The following DLGAP1 variants were observed in gnomAD, a reference collection of about 807,000 sequenced individuals.
The protein encoded by DLGAP1 is disks large-associated protein 1.
A neutral mutation model predicts 90.8 loss-of-function variants in DLGAP1; 11 were observed. That is an observed-to-expected ratio of 0.12 (90% confidence interval 0.08 to 0.20). DLGAP1 has a LOEUF of 0.20. Ranked by LOEUF, DLGAP1 falls within the 10% of genes least tolerant of loss-of-function variation. DLGAP1 has a pLI of 1.00. For missense variants in DLGAP1, 1,050 were observed against 1,333.8 expected (o/e 0.79, Z 3.31); for synonymous variants, 558 against 540.7 (o/e 1.03, Z -0.44).
At chr18:3,676,323 C>G (rs2146824466) in intron 7 of DLGAP1, among the ~76,000 whole-genome samples, 1 of 152,360 alleles carries the variant, frequency 6.6e-6, no homozygotes, top group Admixed American at 6.5e-5. Context: ...TCAGACACCG[C>G]CTCCTCAAAC....
chr18:3,507,542 A>T, intron 11 of DLGAP1, among the ~76,000 whole-genome samples: 1 of 152,024 alleles, frequency 6.6e-6, no homozygotes, highest in Non-Finnish European at 1.5e-5. Flanking sequence ...AAAAACAAAA[A>T]CAAACCCTCA....
chr18:4,063,122 G>C (rs1487023388), intron 2 of DLGAP1, among the ~76,000 whole-genome samples: 1 of 152,004 alleles, frequency 6.6e-6, no homozygotes, highest in Non-Finnish European at 1.5e-5. Context: ...AAAAAGCTTG[G>C]TATCCAAAAG....
At chr18:4,184,726 A>G (rs752886936) in intron 1 of DLGAP1, among the ~76,000 whole-genome samples, 3 of 151,960 alleles carry the variant, frequency 2.0e-5, no homozygotes, top group African/African-American at 7.2e-5. Context: ...TAGGAGTGCA[A>G]TCTACTTATT....
At chr18:4,300,840 A>G (rs948221480) in intron 1 of DLGAP1, among the ~76,000 whole-genome samples, 11 of 152,172 alleles carry the variant, frequency 7.2e-5, no homozygotes, top group Admixed American at 2.6e-4. Context: ...TTCTCTTTTA[A>G]GAAAGCTTTC....
chr18:3,742,482 C>G lies in DLGAP1; in HGVS notation c.1203G>C (p.Gln401His), dbSNP rs1257005832. ...CCCTCAGGTAACTATGACTCCGGAT[C>G]TGGAGTTTGGGTGAGTGTTCATTGG... Reference protein sequence around the residue: ...KISNEHSPKLQIRSHSYLRAV... With the variant: ...KISNEHSPKLHIRSHSYLRAV... Residue 401 changes from glutamine to histidine, a missense_variant, in exon 6 of 13, where the codon CAG becomes CAC. By Grantham distance (24) the Gln-to-His change is conservative (BLOSUM62 0). This residue lies in a region of DLGAP1 where 565 missense variants were observed against 879.7 expected (regional missense o/e 0.64). Transcript: ENST00000315677. 1 of 1,614,162 alleles carries G rather than the reference C, an allele frequency of 6.2e-7. No homozygotes were observed.
At chr18:3,792,625 TG>T (rs1207188856) in intron 5 of DLGAP1, among the ~76,000 whole-genome samples, 1 of 152,214 alleles carries the variant, frequency 6.6e-6, no homozygotes, top group Non-Finnish European at 1.5e-5. Context: ...TGGCCTCCAC[TG>T]CAGACCAGAA....
chr18:3,772,166 CTCCT>C (rs1347766396), intron 5 of DLGAP1, among the ~76,000 whole-genome samples: 2 of 96,392 alleles, frequency 2.1e-5, no homozygotes, highest in Non-Finnish European at 4.4e-5. Flanking sequence ...CTTTCTTTCT[CTCCT>C]TCCTTTCTCT....
chr18:3,772,235 CTCCTTCCTTCTT>C (rs2064623361), intron 5 of DLGAP1, among the ~76,000 whole-genome samples: 2 of 129,258 alleles, frequency 1.5e-5, no homozygotes, highest in African/African-American at 5.9e-5. Context: ...TTTTCTTTCT[CTCCTTCCTTCTT>C]TCCTTCCTTT....
intron 1 of DLGAP1, among the ~76,000 whole-genome samples, chr18:4,406,119 C>T (rs1301785928): frequency 6.6e-6 from 1 of 152,094 alleles, no homozygotes; most frequent in Non-Finnish European, 1.5e-5. Flanking sequence ...CTTATGCAAA[C>T]GTCTGATTGG....
intron 1 of DLGAP1, among the ~76,000 whole-genome samples, chr18:4,236,447 C>T (rs1342007028): frequency 6.6e-6 from 1 of 152,154 alleles, no homozygotes; most frequent in Admixed American, 6.5e-5. Context: ...AGATTGCAAT[C>T]ATTTTCCTTG....
chr18:3,858,968 T>A (rs1411418276), intron 4 of DLGAP1, among the ~76,000 whole-genome samples: 1 of 152,220 alleles, frequency 6.6e-6, no homozygotes, highest in Non-Finnish European at 1.5e-5. Context: ...GCTTTTTCCA[T>A]ACATGAGGTT....
chr18:4,324,228 C>T (rs995225166), intron 1 of DLGAP1, among the ~76,000 whole-genome samples: 14 of 151,436 alleles, frequency 9.2e-5, no homozygotes, highest in African/African-American at 3.4e-4. Context: ...TCAGAGACTA[C>T]TATAAACAGC....
chr18:3,597,111 C>T (rs373740544), intron 7 of DLGAP1: 4 of 519,816 alleles, frequency 7.7e-6, no homozygotes, highest in South Asian at 4.2e-5. Context: ...TCACTCTCAG[C>T]CCACACAAAA....
chr18:4,317,560 C>T (rs1352393999), intron 1 of DLGAP1, among the ~76,000 whole-genome samples: 2 of 152,190 alleles, frequency 1.3e-5, no homozygotes, highest in Non-Finnish European at 2.9e-5. Context: ...CATATGTTTT[C>T]CAGGGCTGTA....
intron 8 of DLGAP1, among the ~76,000 whole-genome samples, chr18:3,568,718 A>G (rs1234293806): frequency 2.0e-5 from 3 of 151,954 alleles, no homozygotes; most frequent in South Asian, 2.1e-4. Context: ...ATGGAGTCTC[A>G]CTTTGTTACC....
At chr18:4,367,004 CAAAAAAAAAA>C (rs67286288) in intron 1 of DLGAP1, among the ~76,000 whole-genome samples, 18 of 60,732 alleles carry the variant, frequency 3.0e-4, no homozygotes, top group African/African-American at 9.6e-4. Context: ...CTGTCAATGG[CAAAAAAAAAA>C]AAAAAAAAAA....
At chr18:4,103,101 T>A (rs1035766981) in intron 2 of DLGAP1, among the ~76,000 whole-genome samples, 45 of 152,364 alleles carry the variant, frequency 3.0e-4, no homozygotes, top group African/African-American at 1.0e-3. Context: ...GCGGAGAAAG[T>A]GTTTCCATAT....
At chr18:4,041,947 C>A (rs994863167) in intron 2 of DLGAP1, among the ~76,000 whole-genome samples, 3 of 152,096 alleles carry the variant, frequency 2.0e-5, no homozygotes, top group Non-Finnish European at 2.9e-5. Context: ...GGGCTGTGGG[C>A]AGAGATATGG....
chr18:4,387,499 C>T (rs1188180728), intron 1 of DLGAP1, among the ~76,000 whole-genome samples: 1 of 152,130 alleles, frequency 6.6e-6, no homozygotes, highest in African/African-American at 2.4e-5. Context: ...GCTGCTTATT[C>T]TAGGGCATAC....
Sources: allele counts gnomAD v4.1 joint callset (sites outside exome capture counted in the v4.1 genomes callset), GRCh38; gene constraint gnomAD v4.1.1; regional missense constraint gnomAD v4.1.1; transcripts MANE v1.5; gene names NCBI Gene and HGNC (gene_info 2026-07-23, HGNC 2026-07-21).